CFAP92: variants seen among roughly 807,000 people sequenced by gnomAD.
CFAP92 encodes the protein uncharacterized protein CFAP92.
Under a neutral mutation model 106.3 loss-of-function variants are expected in CFAP92, and 86 were observed. The observed-to-expected ratio is 0.81, with a 90% CI of 0.68 to 0.97. The LOEUF is 0.97. Ranked by LOEUF, CFAP92 falls within the 50% of genes least tolerant of loss-of-function variation. CFAP92 has a pLI of 0.00. For synonymous variants in CFAP92, 477 were observed against 506.4 expected (o/e 0.94, Z 0.78); for missense variants, 1,204 against 1,283.8 (o/e 0.94, Z 0.95).
chr3:128,993,243 A>G lies in CFAP92; in HGVS notation c.62T>C (p.Ile21Thr). 2 of 1,613,970 alleles carry G rather than the reference A, an allele frequency of 1.2e-6. No homozygotes were observed. The highest frequency in any genetic ancestry group is 1.7e-6 in the Non-Finnish European group (2 of 1,179,866). Residue 21 changes from isoleucine (I) to threonine (T), a missense_variant, in exon 2 of 16, where the codon ATC becomes ACC. By Grantham distance (89) the Ile-to-Thr change is moderately conservative. Coordinates refer to ENST00000645291, the MANE Select transcript of CFAP92 (RefSeq NM_001394090.1). ...GCTCGTGGACTGGTAAAAGCTAGTG[A>G]TGGAGGAGATGGGCTCTATGCTTGC... ...DPASIEPISS[I>T]TSFYQSTSEC...
intron 7 of CFAP92, among the ~76,000 whole-genome samples, chr3:128,975,471 GAATA>G (rs1943091674): frequency 6.9e-6 from 1 of 144,934 alleles, no homozygotes; most frequent in Non-Finnish European, 1.5e-5. Flanking sequence ...ATGGATGGAT[GAATA>G]AATGGAATGG....
the CFAP92 span, among the ~76,000 whole-genome samples, chr3:129,015,680 G>A: frequency 6.6e-6 from 1 of 152,068 alleles, no homozygotes; most frequent in Non-Finnish European, 1.5e-5. Flanking sequence ...GGGGGTTCCC[G>A]AATTCAGGTA....
At chr3:129,007,582 G>A (rs75727104), upstream of CFAP92, among the ~76,000 whole-genome samples, 5 of 152,298 alleles carry the variant, frequency 3.3e-5, no homozygotes, top group East Asian at 1.9e-4. Context: ...ACTGACTCAC[G>A]CTGATCTTCT....
chr3:128,964,172 C>T (rs921358037), intron 9 of CFAP92, among the ~76,000 whole-genome samples: 9 of 152,012 alleles, frequency 5.9e-5, no homozygotes, highest in African/African-American at 1.7e-4. Context: ...ATATCCCTTA[C>T]GGTCCTCCGT....
chr3:128,945,456 A>G lies in CFAP92; in HGVS notation c.1873T>C (p.Tyr625His). The G allele has an allele frequency of 6.5e-7, 1 of 1,536,136 alleles. No individual in the cohort carries two copies. Among genetic ancestry groups the G allele is most frequent in the East Asian group, 2.4e-5 (1 of 40,916 alleles). Residue 625 changes from tyrosine (Y) to histidine (H), a missense_variant, in exon 10 of 16, where the codon TAC becomes CAC. Coordinates refer to ENST00000645291, the MANE Select transcript of CFAP92 (RefSeq NM_001394090.1). ...HQHGPMPRGN[Y>H]LEADSQLKLR... is the part of the protein sequence containing the mutation. ...TTGAGCTGGGAGTCAGCCTCTAGGT[A>G]GTTGCCCCTGGGCATTGGGCCGTGC...
At chr3:128,979,793 G>C (rs1017357056) in intron 4 of CFAP92, among the ~76,000 whole-genome samples, 2 of 147,546 alleles carry the variant, frequency 1.4e-5, no homozygotes, top group Non-Finnish European at 3.0e-5. Flanking sequence ...ACCGGGGCCT[G>C]TTGTGGGGTG....
chr3:129,026,526 C>A, the CFAP92 span, among the ~76,000 whole-genome samples: 1 of 152,220 alleles, frequency 6.6e-6, no homozygotes, highest in African/African-American at 2.4e-5. Flanking sequence ...TCTTCATCAG[C>A]AGTTCCTGCG....
chr3:128,975,975 C>A lies in CFAP92; in HGVS notation c.897-72G>T, dbSNP rs1347136468. ...GGGGCCAGATCTGAGAATCTATTTACTGATGGACTAAATGAGAGCAGATTT... is the reference window on the plus strand; with the variant it reads ...GGGGCCAGATCTGAGAATCTATTTAATGATGGACTAAATGAGAGCAGATTT... On this transcript the variant is annotated intron_variant, in intron 6 of 15. Coordinates refer to ENST00000645291, the MANE Select transcript of CFAP92 (RefSeq NM_001394090.1). 4.1e-6 allele frequency: 6 copies of A among 1,475,798 alleles called. No homozygotes were observed. In the Admixed American group the frequency reaches 1.4e-4, roughly 34 times the overall value. 91.4% of individuals were successfully genotyped at this position (1,475,798 alleles called of 1,614,324 possible). A position where few individuals can be genotyped will look rare whatever the true frequency, so the allele number is the denominator to read the frequency against.
At chr3:129,003,796 C>T, upstream of CFAP92, 1 of 1,452,652 alleles carries the variant, frequency 6.9e-7, no homozygotes, top group Non-Finnish European at 9.0e-7. Flanking sequence ...CCCCGCAGGT[C>T]GGACTCTGGA....
intron 12 of CFAP92, 141 bp from the exon 13 acceptor site, chr3:128,916,412 T>C: frequency 1.7e-6 from 1 of 592,756 alleles, no homozygotes; most frequent in Non-Finnish European, 2.5e-6. Flanking sequence ...TGTTATTTCA[T>C]CATAGAACCA....
Position 128,945,980 on chromosome 3 carries a change from G to T in CFAP92, c.1354-5C>A. On this transcript the variant is annotated splice_polypyrimidine_tract_variant and splice_region_variant and intron_variant, in intron 9 of 15. Coordinates refer to ENST00000645291, the MANE Select transcript of CFAP92 (RefSeq NM_001394090.1). ...GTACACAGGCATGCACAGCCTCTAC[G>T]AGAGAGCAGGGCCACAGCAGGTCAC... The T allele has an allele frequency of 7.0e-7, 1 of 1,427,672 alleles. No homozygotes were observed. Among genetic ancestry groups the T allele is most frequent in the South Asian group, 1.5e-5 (1 of 64,874 alleles). 88.4% of individuals were successfully genotyped at this position (1,427,672 alleles called of 1,614,324 possible).
chr3:129,003,874 G>A (rs1009875461), upstream of CFAP92: 91 of 1,414,594 alleles, frequency 6.4e-5, no homozygotes, highest in Non-Finnish European at 7.9e-5. Context: ...AGCTGCGTCA[G>A]GCGCAGGGCG....
the CFAP92 span, among the ~76,000 whole-genome samples, chr3:129,021,203 G>A: frequency 6.6e-6 from 1 of 152,174 alleles, no homozygotes; most frequent in African/African-American, 2.4e-5. Context: ...TTTATGCTGC[G>A]CAAACCTCAC....
intron 7 of CFAP92, among the ~76,000 whole-genome samples, chr3:128,972,459 C>G (rs1942870211): frequency 6.6e-6 from 1 of 151,730 alleles, no homozygotes; most frequent in South Asian, 2.1e-4. Context: ...CCAGGCTGGT[C>G]TCGAACTCCT....
At chr3:128,914,626 A>C (rs1936655760) in intron 15 of CFAP92, 1 of 153,420 alleles carries the variant, frequency 6.5e-6, no homozygotes, top group Non-Finnish European at 1.4e-5. Context: ...ATTTTCATAA[A>C]CAGGGATAAA....
intron 2 of CFAP92, among the ~76,000 whole-genome samples, chr3:128,990,339 A>C (rs1037745591): frequency 5.9e-5 from 9 of 152,230 alleles, no homozygotes; most frequent in Non-Finnish European, 1.0e-4. Context: ...TCTACTAAAA[A>C]TACAAAAATT....
chr3:128,935,383 G>T, intron 10 of CFAP92, 64 bp from the exon 11 acceptor site: 1 of 1,165,760 alleles, frequency 8.6e-7, no homozygotes, highest in Non-Finnish European at 1.2e-6. Flanking sequence ...CGTGGTGAGG[G>T]TGCGCTGTCA....
chr3:129,018,282 C>G, the CFAP92 span, among the ~76,000 whole-genome samples: 1 of 152,184 alleles, frequency 6.6e-6, no homozygotes, highest in Non-Finnish European at 1.5e-5. Flanking sequence ...CCGGGGTTAG[C>G]AAACTACAGC....
Position 128,910,033 on chromosome 3 carries a change from G to C in CFAP92, c.*266C>G. ...TCTGTGATCCCAGACCATCATGGAG[G>C]AGCAGCTGGTACTGAAGCGGGTGGC... is the stretch of plus-strand genomic sequence containing the variant. On this transcript the variant is annotated 3_prime_UTR_variant, in exon 16 of 16. Transcript: ENST00000645291. The C allele has an allele frequency of 6.2e-7, 1 of 1,613,728 alleles. No homozygotes were observed. The highest frequency in any genetic ancestry group is 2.2e-5 in the East Asian group (1 of 44,876).
Sources: allele counts gnomAD v4.1 joint callset (sites outside exome capture counted in the v4.1 genomes callset), GRCh38; gene constraint gnomAD v4.1.1; transcripts MANE v1.5; gene names NCBI Gene and HGNC (gene_info 2026-07-23, HGNC 2026-07-21).